The following KCND2 variants were observed in gnomAD, a reference collection of about 807,000 sequenced individuals.
KCND2 encodes potassium voltage-gated channel subfamily D member 2, also known as A-type voltage-gated potassium channel KCND2.
A neutral mutation model predicts 54.4 loss-of-function variants in KCND2; 16 were observed. The observed-to-expected ratio is 0.29, with a 90% confidence interval of 0.20 to 0.45. KCND2 has a LOEUF of 0.45. Ranked by LOEUF, KCND2 falls within the 20% of genes least tolerant of loss-of-function variation. KCND2 has a pLI of 1.00. For missense variants in KCND2, 486 were observed against 824.2 expected (o/e 0.59, Z 5.02); for synonymous variants, 317 against 310.7 (o/e 1.02, Z -0.21).
chr7:120,481,135 G>A (rs1015081148), intron 1 of KCND2, among the ~76,000 whole-genome samples: 5 of 152,178 alleles, frequency 3.3e-5, no homozygotes, highest in African/African-American at 9.7e-5. Context: ...TGAGGAATAC[G>A]GTATTGCAAA....
At chr7:120,298,432 G>A (rs1183400668) in intron 1 of KCND2, among the ~76,000 whole-genome samples, 1 of 152,128 alleles carries the variant, frequency 6.6e-6, no homozygotes, top group Non-Finnish European at 1.5e-5. Context: ...TTGACCAACT[G>A]TACTTTTCAG....
At chr7:120,306,346 T>G (rs1276134731) in intron 1 of KCND2, among the ~76,000 whole-genome samples, 1 of 152,138 alleles carries the variant, frequency 6.6e-6, no homozygotes, top group African/African-American at 2.4e-5. Context: ...AAAACTGATA[T>G]TTTTGAACAA....
At chr7:120,671,652 T>G (rs1791995112) in intron 1 of KCND2, among the ~76,000 whole-genome samples, 1 of 152,090 alleles carries the variant, frequency 6.6e-6, no homozygotes, top group South Asian at 2.1e-4. Context: ...CTATACCAGA[T>G]CTTATCATCA....
At chr7:120,497,599 C>T (rs913694951) in intron 1 of KCND2, among the ~76,000 whole-genome samples, 14 of 152,222 alleles carry the variant, frequency 9.2e-5, no homozygotes, top group African/African-American at 2.9e-4. Flanking sequence ...TCCACTTGGC[C>T]ATCCTAGGTC....
chr7:120,561,990 T>G (rs957734326), intron 1 of KCND2, among the ~76,000 whole-genome samples: 9 of 152,174 alleles, frequency 5.9e-5, no homozygotes, highest in Non-Finnish European at 1.0e-4. Context: ...AAATTGGGTA[T>G]GAAGGAGTAG....
At chr7:120,420,730 T>C (rs552763527) in intron 1 of KCND2, among the ~76,000 whole-genome samples, 44 of 152,214 alleles carry the variant, frequency 2.9e-4, no homozygotes, top group African/African-American at 9.6e-4. Context: ...TATTGGAGTA[T>C]AGGTAAGAGG....
chr7:120,717,020 TTATAAC>T (rs1330513109), intron 1 of KCND2, among the ~76,000 whole-genome samples: 1 of 151,970 alleles, frequency 6.6e-6, no homozygotes, highest in Non-Finnish European at 1.5e-5. Flanking sequence ...AATAGAAAAA[TTATAAC>T]TATATGTTGT....
chr7:120,606,774 A>G (rs1006447152), intron 1 of KCND2, among the ~76,000 whole-genome samples: 2 of 152,048 alleles, frequency 1.3e-5, no homozygotes, highest in Non-Finnish European at 2.9e-5. Flanking sequence ...TTATGCCAGT[A>G]CCACACTGTC....
chr7:120,682,462 T>G (rs899451037), intron 1 of KCND2, among the ~76,000 whole-genome samples: 3 of 152,140 alleles, frequency 2.0e-5, no homozygotes, highest in Non-Finnish European at 1.5e-5. Flanking sequence ...ATTCCTTAAC[T>G]GTGCTATTCT....
intron 1 of KCND2, among the ~76,000 whole-genome samples, chr7:120,595,738 T>C (rs888902066): frequency 6.6e-6 from 1 of 151,722 alleles, no homozygotes; most frequent in African/African-American, 2.4e-5. Flanking sequence ...GGGCCCATTG[T>C]GTAAAAATAA....
At chr7:120,422,790 A>G (rs925668067) in intron 1 of KCND2, among the ~76,000 whole-genome samples, 7 of 152,044 alleles carry the variant, frequency 4.6e-5, no homozygotes, top group Admixed American at 3.3e-4. Context: ...CAACACAGCT[A>G]TTTTTCTTGT....
At chr7:120,624,938 G>A (rs1482544138) in intron 1 of KCND2, among the ~76,000 whole-genome samples, 1 of 152,160 alleles carries the variant, frequency 6.6e-6, no homozygotes, top group Non-Finnish European at 1.5e-5. Context: ...TGATTATATT[G>A]TAAAAGAATT....
chr7:120,698,341 T>A (rs1792358325), intron 1 of KCND2, among the ~76,000 whole-genome samples: 1 of 152,228 alleles, frequency 6.6e-6, no homozygotes, highest in African/African-American at 2.4e-5. Flanking sequence ...GGTGGTGGGC[T>A]TAAGTTTAAG....
At chr7:120,317,858 G>T (rs1370890164) in intron 1 of KCND2, among the ~76,000 whole-genome samples, 1 of 152,114 alleles carries the variant, frequency 6.6e-6, no homozygotes, top group Non-Finnish European at 1.5e-5. Flanking sequence ...TCAATCAGTT[G>T]GAGAGAATTC....
chr7:120,416,155 A>T (rs1456777963), intron 1 of KCND2, among the ~76,000 whole-genome samples: 1 of 152,076 alleles, frequency 6.6e-6, no homozygotes, highest in African/African-American at 2.4e-5. Flanking sequence ...CTCTTTTTTT[A>T]TACATATATA....
At chr7:120,604,987 G>A (rs1055362045) in intron 1 of KCND2, among the ~76,000 whole-genome samples, 5 of 152,126 alleles carry the variant, frequency 3.3e-5, no homozygotes, top group South Asian at 4.1e-4. Flanking sequence ...AGTAAACAGT[G>A]CATTTTTATT....
At chr7:120,538,993 C>T (rs969727845) in intron 1 of KCND2, among the ~76,000 whole-genome samples, 12 of 151,774 alleles carry the variant, frequency 7.9e-5, no homozygotes, top group Admixed American at 3.3e-4. Flanking sequence ...GCAAGGCTGC[C>T]GCAAATCTGT....
At position 120,521,719 on chromosome 7, in the gene KCND2, TTTTCTC is replaced by T. The variant is rs570202296; in HGVS notation, c.1116-211179_1116-211174del. The stretch of plus-strand genomic sequence containing the variant: ...AAAACTACTTTATAAATGTAACTAT[TTTTCTC>T]TTTCAATATGTTCCATCTATAATAT... On this transcript the variant is annotated intron_variant, in intron 1 of 5. Transcript: ENST00000331113. Among the ~76,000 whole-genome samples the T allele has an allele frequency of 2.6e-3, 403 of 152,280 alleles. 1 individual carries two copies. The highest frequency in any genetic ancestry group is 9.2e-3 in the African/African-American group (383 of 41,574).
At chr7:120,630,729 C>T (rs978533462) in intron 1 of KCND2, among the ~76,000 whole-genome samples, 5 of 152,116 alleles carry the variant, frequency 3.3e-5, no homozygotes, top group Non-Finnish European at 4.4e-5. Context: ...GGTATTGAGT[C>T]ATGCTTTTCA....
Sources: allele counts gnomAD v4.1 joint callset (sites outside exome capture counted in the v4.1 genomes callset), GRCh38; gene constraint gnomAD v4.1.1; transcripts MANE v1.5; gene names NCBI Gene and HGNC (gene_info 2026-07-23, HGNC 2026-07-21).